Variants in MTMR8 observed in about 807,000 individuals in gnomAD.
MTMR8 encodes myotubularin related protein 8, also known as phosphatidylinositol-3,5-bisphosphate 3-phosphatase MTMR8.
A neutral mutation model predicts 39.3 loss-of-function variants in MTMR8; 65 were observed. That is an observed-to-expected ratio of 1.65 (90% CI 1.35 to 2.03). The LOEUF is 2.03. MTMR8 is among the 30% of genes most tolerant of loss of function. The pLI, the probability that MTMR8 is intolerant of heterozygous loss-of-function variation, is 0.00. For synonymous variants in MTMR8, 245 were observed against 185.2 expected, an observed-to-expected ratio of 1.32 and a Z score of -2.62; for missense variants, 777 against 538.9, an observed-to-expected ratio of 1.44 and a Z score of -4.37.
intron 12 of MTMR8, among the ~76,000 whole-genome samples, chrX:64,322,049 T>G (rs1296523326): frequency 9.9e-6 from 1 of 100,747 alleles, no homozygotes; most frequent in African/African-American, 3.6e-5. Flanking sequence ...AGTATTTTTG[T>G]TTTTTTTTTT....
intron 12 of MTMR8, chrX:64,305,098 C>A: frequency 9.4e-6 from 2 of 213,366 alleles, no homozygotes; most frequent in South Asian, 1.6e-4. Flanking sequence ...ACCAAATGTT[C>A]CACCTTGAAT....
chrX:64,351,133 AAGGT>A (rs1385486467), intron 4 of MTMR8, among the ~76,000 whole-genome samples: 1 of 111,131 alleles, frequency 9.0e-6, no homozygotes, highest in Admixed American at 9.6e-5. Context: ...TTCAGCTTAG[AAGGT>A]TATACACATC....
intron 1 of MTMR8, among the ~76,000 whole-genome samples, chrX:64,393,428 T>C (rs1036795509): frequency 1.8e-5 from 2 of 112,128 alleles, no homozygotes. Flanking sequence ...GCCCAGTTTA[T>C]AGCTTCAATC....
chrX:64,369,296 T>C (rs1043664910), intron 1 of MTMR8, among the ~76,000 whole-genome samples: 12 of 111,754 alleles, frequency 1.1e-4, no homozygotes, highest in Admixed American at 1.0e-3. Flanking sequence ...ATCATGCTAC[T>C]ATAAAGACAC....
intron 2 of MTMR8, 51 bp from the exon 3 acceptor site, chrX:64,356,389 A>G (rs747982690): frequency 2.8e-6 from 3 of 1,080,954 alleles, no homozygotes; most frequent in South Asian, 4.2e-5. Flanking sequence ...CAATATCTCT[A>G]TCACTATCAG....
At chrX:64,300,288 G>A (rs1921806440) in intron 12 of MTMR8, among the ~76,000 whole-genome samples, 2 of 111,373 alleles carry the variant, frequency 1.8e-5, no homozygotes, top group South Asian at 7.7e-4. Flanking sequence ...CATATATTTA[G>A]GATAGTTAGC....
intron 12 of MTMR8, among the ~76,000 whole-genome samples, chrX:64,287,042 A>T (rs1291359272): frequency 8.9e-6 from 1 of 111,853 alleles, no homozygotes; most frequent in Non-Finnish European, 1.9e-5. Flanking sequence ...TGCAGATGAC[A>T]TGATTGTATA....
At chrX:64,286,139 G>A (rs1022597811) in intron 12 of MTMR8, among the ~76,000 whole-genome samples, 1 of 111,564 alleles carries the variant, frequency 9.0e-6, no homozygotes, top group Non-Finnish European at 1.9e-5. Context: ...AATGATAAAG[G>A]GGATGTCACC....
intron 1 of MTMR8, 78 bp from the exon 2 acceptor site, chrX:64,359,605 T>C (rs756924461): frequency 1.5e-4 from 146 of 1,000,062 alleles, no homozygotes; most frequent in Non-Finnish European, 1.8e-4. Context: ...CAAAGCAAGA[T>C]AAACGCTGTT....
chrX:64,366,091 C>T (rs772242820), intron 1 of MTMR8, among the ~76,000 whole-genome samples: 1 of 111,838 alleles, frequency 8.9e-6, no homozygotes, highest in African/African-American at 3.3e-5. Context: ...TACGGGAACA[C>T]CCAGATTCAT....
chrX:64,368,303 C>T (rs1430305854), intron 1 of MTMR8, among the ~76,000 whole-genome samples: 6 of 111,791 alleles, frequency 5.4e-5, no homozygotes, highest in Admixed American at 4.8e-4. Context: ...ATTGCCAAGA[C>T]AATCGTAAGC....
At chrX:64,376,185 G>C (rs780975776) in intron 1 of MTMR8, among the ~76,000 whole-genome samples, 3 of 112,086 alleles carry the variant, frequency 2.7e-5, no homozygotes, top group Non-Finnish European at 5.6e-5. Context: ...GACTAATACA[G>C]AAAATTGGTA....
intron 1 of MTMR8, among the ~76,000 whole-genome samples, chrX:64,394,967 G>A (rs1250023598): frequency 8.9e-6 from 1 of 112,453 alleles, no homozygotes; most frequent in East Asian, 2.8e-4. Flanking sequence ...GCAGAGCAAT[G>A]TGGGGTATTC....
intron 6 of MTMR8, among the ~76,000 whole-genome samples, chrX:64,345,541 T>G (rs930173648): frequency 2.1e-4 from 23 of 112,177 alleles, no homozygotes; most frequent in African/African-American, 7.4e-4. Flanking sequence ...CTGAGAAACA[T>G]GCAAAAGTTC....
chrX:64,368,439 C>T (rs748630091), intron 1 of MTMR8, among the ~76,000 whole-genome samples: 1 of 111,425 alleles, frequency 9.0e-6, no homozygotes, highest in East Asian at 2.8e-4. Context: ...GAACAGAGGC[C>T]TCAGGAATAA....
intron 12 of MTMR8, among the ~76,000 whole-genome samples, chrX:64,294,382 G>C (rs1217368438): frequency 4.5e-5 from 5 of 111,481 alleles, no homozygotes; most frequent in African/African-American, 1.6e-4. Flanking sequence ...TACTCAAATA[G>C]CCCTGTGATC....
rs754344517 is a variant in MTMR8, at chrX:64,375,013, G to A, written c.25-15486C>T. 4.1e-5 allele frequency among the ~76,000 whole-genome samples: 4 copies of A among 96,559 alleles called. No individual in the cohort carries two copies. The South Asian group carries it at 2.2e-3, about 53-fold the overall frequency. The allele number at this position is 96,559 out of a possible 115,157, so 83.8% of individuals were successfully genotyped here. On this transcript the variant is annotated intron_variant, in intron 1 of 13. Coordinates refer to ENST00000374852, the MANE Select transcript of MTMR8 (RefSeq NM_017677.4). ...GTGAATTTCAGACTTCTGGGCTCCTGAATGGTGAGGGAATAAATTTCTATT... is the reference window on the plus strand; with the variant it reads ...GTGAATTTCAGACTTCTGGGCTCCTAAATGGTGAGGGAATAAATTTCTATT...
intron 8 of MTMR8, among the ~76,000 whole-genome samples, chrX:64,342,883 G>C (rs1188540099): frequency 8.9e-6 from 1 of 111,963 alleles, no homozygotes; most frequent in Non-Finnish European, 1.9e-5. Flanking sequence ...TACTCATGTA[G>C]AAATACATAA....
intron 1 of MTMR8, among the ~76,000 whole-genome samples, chrX:64,362,471 GAAAAAAAAAAAAAAAAA>G (rs760545171): frequency 9.1e-4 from 5 of 5,503 alleles, no homozygotes; most frequent in Non-Finnish European, 1.8e-3. Flanking sequence ...TACTATTGCA[GAAAAAAAAAAAAAAAAA>G]AAAAAAAAAA....
Sources: gnomAD v4.1 joint callset for allele counts (sites outside exome capture counted in the v4.1 genomes callset) on GRCh38, gnomAD v4.1.1 for gene constraint, MANE v1.5 for transcripts, NCBI Gene and HGNC (gene_info 2026-07-23, HGNC 2026-07-21) for gene names.